EEFSEC: variants seen among roughly 807,000 people sequenced by gnomAD.
EEFSEC encodes selenocysteine-specific elongation factor.
In EEFSEC, 43 loss-of-function variants were observed where a neutral mutation model predicts 42.1. The ratio of observed to expected loss-of-function variants is 1.02; its 90% CI spans 0.80 to 1.32. The LOEUF (loss-of-function observed/expected upper bound fraction) is 1.32. Among genes scored for constraint, EEFSEC ranks in the 40% most tolerant of loss-of-function variants. The probability of loss-of-function intolerance (pLI) is 0.00; values close to 1 mark genes in which losing one functional copy is unlikely to be tolerated. For missense variants in EEFSEC, 745 were observed against 803.6 expected (o/e 0.93, Z 0.88); for synonymous variants, 354 against 339.1 (o/e 1.04, Z -0.48).
downstream of EEFSEC, among the ~76,000 whole-genome samples, chr3:128,413,377 CT>C (rs1264739961): frequency 1.3e-5 from 2 of 152,310 alleles, no homozygotes; most frequent in Middle Eastern, 3.4e-3. Context: ...GCATCCCAGC[CT>C]TGTGCTCCCT....
At chr3:128,379,169 C>T (rs2067744551) in intron 6 of EEFSEC, among the ~76,000 whole-genome samples, 1 of 152,232 alleles carries the variant, frequency 6.6e-6, no homozygotes, top group African/African-American at 2.4e-5. Context: ...AACCCCCACC[C>T]AGTGCAGGAA....
At chr3:128,184,456 C>T (rs888011590) in intron 1 of EEFSEC, among the ~76,000 whole-genome samples, 2 of 152,172 alleles carry the variant, frequency 1.3e-5, no homozygotes, top group Non-Finnish European at 2.9e-5. Context: ...TTTCACTCGG[C>T]ATAATGTTCT....
chr3:128,162,998 C>T (rs995032798), intron 1 of EEFSEC, among the ~76,000 whole-genome samples: 5 of 152,132 alleles, frequency 3.3e-5, no homozygotes, highest in Non-Finnish European at 5.9e-5. Flanking sequence ...GAATAGGATT[C>T]GGGCAGGCAT....
the EEFSEC span, among the ~76,000 whole-genome samples, chr3:128,424,194 G>A: frequency 6.6e-6 from 1 of 152,178 alleles, no homozygotes; most frequent in Non-Finnish European, 1.5e-5. Flanking sequence ...GCTGCTGGCT[G>A]CTCCCTACAC....
At chr3:128,303,206 AG>A (rs1235709541) in intron 4 of EEFSEC, among the ~76,000 whole-genome samples, 1 of 152,118 alleles carries the variant, frequency 6.6e-6, no homozygotes, top group Non-Finnish European at 1.5e-5. Flanking sequence ...GGACAACAGG[AG>A]CAATCCTCCC....
intron 5 of EEFSEC, among the ~76,000 whole-genome samples, chr3:128,344,876 G>A (rs932406073): frequency 3.3e-5 from 5 of 152,182 alleles, no homozygotes; most frequent in African/African-American, 9.7e-5. Flanking sequence ...TGTAAGAGCC[G>A]ACTCTCATCA....
intron 4 of EEFSEC, among the ~76,000 whole-genome samples, chr3:128,299,235 C>G (rs575143593): frequency 5.3e-5 from 8 of 152,244 alleles, no homozygotes; most frequent in African/African-American, 1.9e-4. Flanking sequence ...GTATCCATTA[C>G]TTTTTGTCTT....
intron 4 of EEFSEC, among the ~76,000 whole-genome samples, chr3:128,298,998 T>C (rs2066738111): frequency 6.6e-6 from 1 of 152,262 alleles, no homozygotes; most frequent in African/African-American, 2.4e-5. Flanking sequence ...ATTCCATATC[T>C]TGGCTGTTGT....
At chr3:128,270,477 T>G (rs1466880008) in intron 4 of EEFSEC, among the ~76,000 whole-genome samples, 1 of 152,230 alleles carries the variant, frequency 6.6e-6, no homozygotes, top group African/African-American at 2.4e-5. Context: ...GTTCAGAATT[T>G]GATAACATAG....
chr3:128,184,605 C>T (rs557255761), intron 1 of EEFSEC, among the ~76,000 whole-genome samples: 15 of 152,190 alleles, frequency 9.9e-5, no homozygotes, highest in South Asian at 6.2e-4. Context: ...TATTTATAGC[C>T]ATCTCTGTAG....
chr3:128,357,808 G>C (rs1052833949), intron 5 of EEFSEC, among the ~76,000 whole-genome samples: 2 of 142,096 alleles, frequency 1.4e-5, no homozygotes, highest in African/African-American at 5.7e-5. Flanking sequence ...CCCAGGGGTG[G>C]GGGGGGCCTG....
intron 1 of EEFSEC, among the ~76,000 whole-genome samples, chr3:128,185,849 G>A (rs1227697192): frequency 3.9e-5 from 6 of 152,176 alleles, no homozygotes; most frequent in Non-Finnish European, 1.5e-5. Flanking sequence ...TTAGTTGATA[G>A]GCATTTGGAT....
chr3:128,194,478 C>A (rs1464459596), intron 1 of EEFSEC, among the ~76,000 whole-genome samples: 1 of 152,136 alleles, frequency 6.6e-6, no homozygotes, highest in African/African-American at 2.4e-5. Flanking sequence ...CTTGGCCCTG[C>A]CTTTCAGGGA....
chr3:128,280,489 G>T (rs1315564758), intron 4 of EEFSEC, among the ~76,000 whole-genome samples: 2 of 152,178 alleles, frequency 1.3e-5, no homozygotes, highest in Non-Finnish European at 2.9e-5. Context: ...TGTGTAGGGA[G>T]CCCAGGGGTC....
chr3:128,380,519 G>A (rs1002033344), intron 6 of EEFSEC, among the ~76,000 whole-genome samples: 1 of 152,154 alleles, frequency 6.6e-6, no homozygotes, highest in African/African-American at 2.4e-5. Flanking sequence ...TCGGCTGGTG[G>A]CCTCACACAC....
intron 1 of EEFSEC, among the ~76,000 whole-genome samples, chr3:128,161,116 C>T (rs2065181668): frequency 6.6e-6 from 1 of 152,122 alleles, no homozygotes; most frequent in Non-Finnish European, 1.5e-5. Flanking sequence ...ACTGCACAGC[C>T]CATACGCTGG....
chr3:128,195,395 A>G (rs1287397810), intron 1 of EEFSEC, among the ~76,000 whole-genome samples: 4 of 152,244 alleles, frequency 2.6e-5, no homozygotes, highest in Admixed American at 2.6e-4. Context: ...GAAATAATTA[A>G]ATAGATCTTG....
At chr3:128,410,528 G>A (rs568174628), downstream of EEFSEC, among the ~76,000 whole-genome samples, 4 of 152,196 alleles carry the variant, frequency 2.6e-5, no homozygotes, top group Non-Finnish European at 4.4e-5. Context: ...CACACAGGGC[G>A]AATGTGGCTG....
chr3:128,412,591 C>T (rs1254688982), downstream of EEFSEC, among the ~76,000 whole-genome samples: 1 of 152,218 alleles, frequency 6.6e-6, no homozygotes, highest in Admixed American at 6.5e-5. Flanking sequence ...AGGAAGTGCT[C>T]GCTGGGGCCC....
Sources: allele counts gnomAD v4.1 joint callset (sites outside exome capture counted in the v4.1 genomes callset), GRCh38; gene constraint gnomAD v4.1.1; transcripts MANE v1.5; gene names NCBI Gene and HGNC (gene_info 2026-07-23, HGNC 2026-07-21).